The following TRIM55 variants were observed in gnomAD, a reference collection of about 807,000 sequenced individuals.
TRIM55 encodes tripartite motif-containing protein 55.
TRIM55 carries 50 observed loss-of-function variants against 60.9 expected under a neutral mutation model. That is an observed-to-expected ratio of 0.82 (90% confidence interval 0.65 to 1.04). The LOEUF is 1.04. TRIM55 is among the 50% of genes least tolerant of loss of function. The pLI is 0.00. For missense variants in TRIM55, 681 were observed against 666.9 expected (o/e 1.02, Z -0.23); for synonymous variants, 237 against 238.1 (o/e 1.00, Z 0.04).
chr8:66,137,773 A>C (rs1484384530), intron 4 of TRIM55, among the ~76,000 whole-genome samples: 2 of 152,066 alleles, frequency 1.3e-5, no homozygotes, highest in African/African-American at 4.8e-5. Context: ...AAAAAAAAAA[A>C]AAAAATCTTG....
At chr8:66,115,523 A>C in the TRIM55 span, among the ~76,000 whole-genome samples, 6 of 152,222 alleles carry the variant, frequency 3.9e-5, no homozygotes, top group African/African-American at 7.2e-5. Flanking sequence ...GTAGTAAGTC[A>C]AAGGAATAGG....
intron 9 of TRIM55, among the ~76,000 whole-genome samples, chr8:66,162,684 T>G (rs1222012419): frequency 6.6e-6 from 1 of 152,114 alleles, no homozygotes; most frequent in Non-Finnish European, 1.5e-5. Flanking sequence ...TTTATTACCA[T>G]TTCAATCTCA....
chr8:66,113,471 T>C, the TRIM55 span: 2 of 453,032 alleles, frequency 4.4e-6, no homozygotes, highest in Middle Eastern at 3.3e-4. Context: ...ACAAGTGCGG[T>C]TTTTTTCTCC....
chr8:66,150,732 T>A (rs1035725100), intron 7 of TRIM55, among the ~76,000 whole-genome samples: 4 of 152,066 alleles, frequency 2.6e-5, no homozygotes, highest in Non-Finnish European at 5.9e-5. Context: ...AATGGCACGA[T>A]CTTGGCTCAC....
chr8:66,121,665 T>C, the TRIM55 span, among the ~76,000 whole-genome samples: 4 of 152,214 alleles, frequency 2.6e-5, no homozygotes, highest in African/African-American at 9.7e-5. Context: ...CTGTTACCAA[T>C]CCAGCTAACT....
the TRIM55 span, among the ~76,000 whole-genome samples, chr8:66,119,605 C>A: frequency 6.6e-6 from 1 of 152,208 alleles, no homozygotes; most frequent in African/African-American, 2.4e-5. Context: ...TTGACAGTTA[C>A]AATGAAGAAT....
the TRIM55 span, among the ~76,000 whole-genome samples, chr8:66,116,404 C>T: frequency 1.3e-4 from 19 of 151,848 alleles, no homozygotes; most frequent in South Asian, 4.2e-4. Context: ...CTCAGGAGTT[C>T]GAGACCAGCC....
At position 66,150,247 on chromosome 8, in the gene TRIM55, C is replaced by A; in HGVS notation, c.860+8C>A. On this transcript the variant is annotated splice_region_variant and intron_variant, in intron 6 of 9. Transcript: ENST00000315962. ...CAAAACCCTGCTAAAAAAGTAAGAA[C>A]TTTTTATTTTATGTAAAAATGCATA... 2.5e-6 allele frequency: 4 copies of A among 1,612,914 alleles called. No individual in the cohort carries two copies. The highest frequency in any genetic ancestry group is 3.4e-6 in the Non-Finnish European group (4 of 1,179,352).
At chr8:66,137,550 G>A (rs912959033) in intron 4 of TRIM55, among the ~76,000 whole-genome samples, 1 of 152,128 alleles carries the variant, frequency 6.6e-6, no homozygotes, top group African/African-American at 2.4e-5. Flanking sequence ...AATGCTCATC[G>A]GTGCTTTAGA....
intron 7 of TRIM55, among the ~76,000 whole-genome samples, chr8:66,151,457 A>G (rs1337722900): frequency 6.6e-6 from 1 of 152,218 alleles, no homozygotes; most frequent in East Asian, 1.9e-4. Flanking sequence ...GGCTGCACCA[A>G]CATCCACAGA....
chr8:66,131,104 C>G (rs574836572), intron 2 of TRIM55, among the ~76,000 whole-genome samples: 99 of 152,172 alleles, frequency 6.5e-4, no homozygotes, highest in African/African-American at 2.3e-3. Context: ...ACAAGTAAAA[C>G]TACTATGTGC....
chr8:66,143,557 AT>A (rs1207552529), intron 4 of TRIM55, among the ~76,000 whole-genome samples: 1 of 151,466 alleles, frequency 6.6e-6, no homozygotes, highest in South Asian at 2.1e-4. Flanking sequence ...GCATAGCTAT[AT>A]TTTACTGGTT....
chr8:66,149,613 T>C, intron 4 of TRIM55, 32 bp from the exon 5 acceptor site: 1 of 1,536,024 alleles, frequency 6.5e-7, no homozygotes, highest in Non-Finnish European at 9.0e-7. Flanking sequence ...TTGTTTCAAA[T>C]ACTTTCTAAC....
At chr8:66,131,553 G>T (rs1018934270) in intron 2 of TRIM55, among the ~76,000 whole-genome samples, 6 of 152,300 alleles carry the variant, frequency 3.9e-5, no homozygotes, top group Non-Finnish European at 8.8e-5. Context: ...CCCCTGGGTT[G>T]AACCCCTTGC....
At chr8:66,138,444 C>T (rs1411972504) in intron 4 of TRIM55, among the ~76,000 whole-genome samples, 1 of 152,146 alleles carries the variant, frequency 6.6e-6, no homozygotes, top group Non-Finnish European at 1.5e-5. Context: ...GGCTGGAGTG[C>T]AATGGCATGA....
chr8:66,126,699 A>G (rs1258307283), upstream of TRIM55, among the ~76,000 whole-genome samples: 1 of 152,140 alleles, frequency 6.6e-6, no homozygotes, highest in Non-Finnish European at 1.5e-5. Context: ...TTTTCGAGAC[A>G]TGTTTTGTTC....
chr8:66,167,942 G>T (rs1233394907), intron 9 of TRIM55, among the ~76,000 whole-genome samples: 1 of 152,000 alleles, frequency 6.6e-6, no homozygotes, highest in Non-Finnish European at 1.5e-5. Flanking sequence ...TAGGGGTGGG[G>T]TCATGCCATA....
chr8:66,172,420 C>A (rs1811693322), intron 9 of TRIM55, among the ~76,000 whole-genome samples: 1 of 152,158 alleles, frequency 6.6e-6, no homozygotes. Context: ...TTGGATAACC[C>A]CCCACTCTGG....
intron 3 of TRIM55, among the ~76,000 whole-genome samples, chr8:66,136,091 T>G (rs1381546172): frequency 6.6e-6 from 1 of 152,216 alleles, no homozygotes; most frequent in African/African-American, 2.4e-5. Flanking sequence ...AAGAAACAGA[T>G]TTTGCAAATT....
Sources: gnomAD v4.1 joint callset for allele counts (sites outside exome capture counted in the v4.1 genomes callset) on GRCh38, gnomAD v4.1.1 for gene constraint, MANE v1.5 for transcripts, NCBI Gene and HGNC (gene_info 2026-07-23, HGNC 2026-07-21) for gene names.